The following ADGRL3 variants were observed in gnomAD, a reference collection of about 807,000 sequenced individuals.
The protein encoded by ADGRL3 is calcium-independent alpha-latrotoxin receptor 3.
A neutral mutation model predicts 153.5 loss-of-function variants in ADGRL3; 62 were observed. The ratio of observed to expected loss-of-function variants is 0.40; its 90% CI spans 0.33 to 0.50. The LOEUF is 0.50. ADGRL3 is among the 20% of genes least tolerant of loss of function. ADGRL3 has a pLI of 0.47. For synonymous variants in ADGRL3, 710 were observed against 672.5 expected (o/e 1.06, Z -0.86); for missense variants, 1,641 against 1,859.4 (o/e 0.88, Z 2.16).
At chr4:61,885,283 G>A (rs1179096747) in intron 9 of ADGRL3, among the ~76,000 whole-genome samples, 2 of 151,894 alleles carry the variant, frequency 1.3e-5, no homozygotes, top group African/African-American at 4.8e-5. Flanking sequence ...AGCTGACGTC[G>A]CACCATTAAA....
chr4:61,621,276 A>G (rs2092492152), intron 5 of ADGRL3, among the ~76,000 whole-genome samples: 1 of 152,038 alleles, frequency 6.6e-6, no homozygotes, highest in South Asian at 2.1e-4. Context: ...TGAGGCCTTG[A>G]TGTTACAATG....
At chr4:61,269,300 C>A (rs969338142) in intron 1 of ADGRL3, among the ~76,000 whole-genome samples, 4 of 151,382 alleles carry the variant, frequency 2.6e-5, no homozygotes, top group Non-Finnish European at 1.5e-5. Context: ...TCTTCCTTTT[C>A]TCTGGTGTGT....
At chr4:61,257,040 G>A (rs1411181067) in intron 1 of ADGRL3, among the ~76,000 whole-genome samples, 1 of 152,030 alleles carries the variant, frequency 6.6e-6, no homozygotes, top group African/African-American at 2.4e-5. Context: ...GAACACAAAA[G>A]TATGCTGAAA....
chr4:61,367,177 CA>C (rs1265916353), intron 1 of ADGRL3, among the ~76,000 whole-genome samples: 1 of 151,476 alleles, frequency 6.6e-6, no homozygotes, highest in African/African-American at 2.4e-5. Context: ...AAGAAAATAG[CA>C]AATTTGGGAT....
At chr4:61,352,850 A>G (rs1373600058) in intron 1 of ADGRL3, among the ~76,000 whole-genome samples, 1 of 152,176 alleles carries the variant, frequency 6.6e-6, no homozygotes, top group Non-Finnish European at 1.5e-5. Flanking sequence ...AAATTTTTCC[A>G]TTACTTTCAG....
At chr4:61,323,867 C>T (rs541427860) in intron 1 of ADGRL3, among the ~76,000 whole-genome samples, 1 of 152,274 alleles carries the variant, frequency 6.6e-6, no homozygotes, top group East Asian at 1.9e-4. Flanking sequence ...ATGCCCCACT[C>T]CTGGTACCAA....
intron 3 of ADGRL3, among the ~76,000 whole-genome samples, chr4:61,508,514 A>AT (rs982195830): frequency 2.0e-5 from 3 of 152,250 alleles, no homozygotes; most frequent in Admixed American, 6.5e-5. Flanking sequence ...GTTTTTAAAA[A>AT]TTTTTTTAAC....
intron 6 of ADGRL3, among the ~76,000 whole-genome samples, chr4:61,730,340 G>T (rs2096418081): frequency 6.6e-6 from 1 of 151,694 alleles, no homozygotes; most frequent in African/African-American, 2.4e-5. Context: ...CATTTCCTGT[G>T]TCTGTAATTT....
chr4:61,844,600 A>ATATATATATATATATATAT (rs2098091269), intron 9 of ADGRL3, among the ~76,000 whole-genome samples: 1 of 126,350 alleles, frequency 7.9e-6, no homozygotes, highest in South Asian at 2.7e-4. Context: ...ATATATATTT[A>ATATATATATATATATATAT]CTTTATTCAC....
chr4:61,934,831 C>G lies in ADGRL3; in HGVS notation c.2113-9C>G. The G allele has an allele frequency of 6.2e-7, 1 of 1,611,304 alleles. No homozygotes were observed. Among genetic ancestry groups the G allele is most frequent in the Non-Finnish European group, 8.5e-7 (1 of 1,178,226 alleles). On this transcript the variant is annotated splice_polypyrimidine_tract_variant and intron_variant, in intron 13 of 26. Transcript: ENST00000683033. Reference sequence around the variant, plus strand: ...AGAGACCTCTGTCATTCTTTTCATCCTCTTGTAGGCAATGGTCGAGACAGT... The same window carrying G: ...AGAGACCTCTGTCATTCTTTTCATCGTCTTGTAGGCAATGGTCGAGACAGT...
intron 8 of ADGRL3, among the ~76,000 whole-genome samples, chr4:61,758,965 C>G (rs1193662336): frequency 2.0e-5 from 3 of 152,116 alleles, no homozygotes; most frequent in African/African-American, 4.8e-5. Flanking sequence ...ATATGAAATT[C>G]TGGGTTGAAA....
intron 11 of ADGRL3, among the ~76,000 whole-genome samples, chr4:61,907,823 G>A (rs573167034): frequency 6.6e-6 from 1 of 152,152 alleles, no homozygotes; most frequent in Non-Finnish European, 1.5e-5. Context: ...CCAAGCCTGG[G>A]TCTGTTTAGC....
At chr4:61,461,479 A>C (rs2152589682) in intron 2 of ADGRL3, among the ~76,000 whole-genome samples, 1 of 152,306 alleles carries the variant, frequency 6.6e-6, no homozygotes, top group South Asian at 2.1e-4. Context: ...AAAATAACAT[A>C]TATACTCTCT....
At chr4:61,462,878 A>G (rs990434047) in intron 2 of ADGRL3, among the ~76,000 whole-genome samples, 3 of 152,120 alleles carry the variant, frequency 2.0e-5, no homozygotes, top group Non-Finnish European at 2.9e-5. Flanking sequence ...TCCCTGCATC[A>G]AAGAGATTAA....
At chr4:61,471,052 AAT>A (rs1210757798) in intron 2 of ADGRL3, among the ~76,000 whole-genome samples, 1 of 151,808 alleles carries the variant, frequency 6.6e-6, no homozygotes, top group Non-Finnish European at 1.5e-5. Flanking sequence ...ATCCCTGAAC[AAT>A]GTCTTTTTAA....
chr4:61,544,953 T>C (rs1272025162), intron 4 of ADGRL3, among the ~76,000 whole-genome samples: 1 of 152,216 alleles, frequency 6.6e-6, no homozygotes, highest in African/African-American at 2.4e-5. Flanking sequence ...TTGCTAAAAA[T>C]GTTAAAACAC....
intron 8 of ADGRL3, among the ~76,000 whole-genome samples, chr4:61,777,245 A>G (rs1480298361): frequency 2.0e-5 from 3 of 152,008 alleles, no homozygotes; most frequent in African/African-American, 7.2e-5. Context: ...AGGCAGGAGA[A>G]TGGCCTGAAC....
chr4:61,862,558 T>C (rs1032173593), intron 9 of ADGRL3, among the ~76,000 whole-genome samples: 4 of 152,300 alleles, frequency 2.6e-5, no homozygotes, highest in African/African-American at 9.6e-5. Context: ...TTCCTTGATA[T>C]TATGTCCCAC....
intron 5 of ADGRL3, among the ~76,000 whole-genome samples, chr4:61,674,231 C>G (rs1480723297): frequency 2.0e-5 from 3 of 151,344 alleles, no homozygotes; most frequent in Admixed American, 6.6e-5. Context: ...CTAATCTAAT[C>G]TATATAAACA....
Sources: allele counts gnomAD v4.1 joint callset (sites outside exome capture counted in the v4.1 genomes callset), GRCh38; gene constraint gnomAD v4.1.1; transcripts MANE v1.5; gene names NCBI Gene and HGNC (gene_info 2026-07-23, HGNC 2026-07-21).